The following PLEKHG5 variants were observed in gnomAD, a reference collection of about 807,000 sequenced individuals.
PLEKHG5 encodes pleckstrin homology domain-containing family G member 5.
A neutral mutation model predicts 103.8 loss-of-function variants in PLEKHG5; 52 were observed. That is an observed-to-expected ratio of 0.50 (90% confidence interval 0.40 to 0.63). PLEKHG5 has a LOEUF of 0.63. PLEKHG5 is among the 30% of genes least tolerant of loss of function. The pLI is 0.00. For synonymous variants in PLEKHG5, 592 were observed against 575.5 expected (o/e 1.03, Z -0.41); for missense variants, 1,205 against 1,347.6 (o/e 0.89, Z 1.66).
rs371407090 is a variant in PLEKHG5 at position 6,510,690 on chromosome 1, G to T, written c.-165+8755C>A. Among the ~76,000 whole-genome samples the T allele has an allele frequency of 7.2e-5, 11 of 152,352 alleles. 1 individual carries two copies. The South Asian group carries it at 1.9e-3, about 26-fold the overall frequency. ...ACCCTGGGGGCGGGGGCCAGGTGGGGCGGAGGCCAACCCACCAGCCAGCAA... is the reference window on the plus strand; with the variant it reads ...ACCCTGGGGGCGGGGGCCAGGTGGGTCGGAGGCCAACCCACCAGCCAGCAA... On this transcript the variant is annotated intron_variant, in intron 1 of 21. Transcript: ENST00000377740.
chr1:6,472,641 G>T lies in PLEKHG5; in HGVS notation c.985-19C>A. 6.3e-7 allele frequency: 1 copy of T among 1,588,566 alleles called. No individual in the cohort carries two copies. Among genetic ancestry groups the T allele is most frequent in the Non-Finnish European group, 8.6e-7 (1 of 1,159,846 alleles). ...TCAGCTTCTAGAGGGAGGGCAGGATGGGTCATTCACGAGGCCTGGAGCACC... is the reference window on the plus strand; with the variant it reads ...TCAGCTTCTAGAGGGAGGGCAGGATTGGTCATTCACGAGGCCTGGAGCACC... On this transcript the variant is annotated intron_variant, in intron 9 of 20. Transcript: ENST00000377728.
At chr1:6,484,756 G>A (rs933907758) in intron 1 of PLEKHG5, among the ~76,000 whole-genome samples, 7 of 152,140 alleles carry the variant, frequency 4.6e-5, no homozygotes, top group Non-Finnish European at 7.4e-5. Flanking sequence ...GGGACACCAG[G>A]GTCCGGGGGG....
chr1:6,471,436 G>A lies in PLEKHG5; in HGVS notation c.1281+52C>T. On this transcript the variant is annotated intron_variant, in intron 12 of 20. Transcript: ENST00000377728. ...CCGGATCGGGCCGTGGAGGCTTTTC[G>A]GCGCCCCAGCCCTGCCTCAGTGCCC... The A allele has an allele frequency of 1.9e-6, 3 of 1,572,058 alleles. No homozygotes were observed. In the South Asian group the frequency reaches 3.5e-5, roughly 18 times the overall value.
At chr1:6,508,813 A>C (rs1260589665) in intron 1 of PLEKHG5, among the ~76,000 whole-genome samples, 5 of 152,226 alleles carry the variant, frequency 3.3e-5, no homozygotes, top group Non-Finnish European at 7.3e-5. Context: ...CCCCAATAGC[A>C]GGTGCTACTG....
chr1:6,512,537 G>A (rs997064468), intron 1 of PLEKHG5, among the ~76,000 whole-genome samples: 4 of 152,210 alleles, frequency 2.6e-5, no homozygotes, highest in African/African-American at 9.6e-5. Flanking sequence ...CCCAGTCACT[G>A]CCCAGCATCT....
intron 1 of PLEKHG5, among the ~76,000 whole-genome samples, chr1:6,509,619 T>C (rs1638420489): frequency 6.6e-6 from 1 of 152,174 alleles, no homozygotes; most frequent in Admixed American, 6.5e-5. Context: ...CACGGGCCCC[T>C]GAACATCCTT....
At chr1:6,509,672 G>C (rs12042691) in intron 1 of PLEKHG5, among the ~76,000 whole-genome samples, 76,290 of 152,058 alleles carry the variant, frequency 0.5, 20,927 homozygotes, top group Admixed American at 0.65. Flanking sequence ...CACTGCAGGG[G>C]TTTTCTGAGG....
At chr1:6,481,515 C>T (rs1644898717) in intron 1 of PLEKHG5, among the ~76,000 whole-genome samples, 1 of 136,396 alleles carries the variant, frequency 7.3e-6, no homozygotes, top group Non-Finnish European at 1.6e-5. Flanking sequence ...TGGGGCAAAA[C>T]TCCGTCTCAA....
At chr1:6,500,548 C>T (rs72634731), upstream of PLEKHG5, among the ~76,000 whole-genome samples, 1,064 of 151,232 alleles carry the variant, frequency 7.0e-3, 10 homozygotes, top group Non-Finnish European at 0.011. Context: ...AACCTGGAAC[C>T]CTGAACCTCC....
At chr1:6,473,594 G>A (rs1319443637) in intron 7 of PLEKHG5, 140 bp from the exon 8 acceptor site, 11 of 660,996 alleles carry the variant, frequency 1.7e-5, no homozygotes, top group Non-Finnish European at 2.8e-5. Flanking sequence ...CCCCTCTCCT[G>A]GGACCCAGAC....
At chr1:6,476,109 G>T in intron 2 of PLEKHG5, 73 bp from the exon 3 acceptor site, 2 of 1,296,428 alleles carry the variant, frequency 1.5e-6, no homozygotes, top group Non-Finnish European at 2.2e-6. Context: ...CCTCCAGAGG[G>T]ACCACAGCCT....
intron 1 of PLEKHG5, among the ~76,000 whole-genome samples, chr1:6,518,968 C>T (rs1638701064): frequency 6.6e-6 from 1 of 152,206 alleles, no homozygotes; most frequent in African/African-American, 2.4e-5. Context: ...CTTAGCCTCC[C>T]GAGAGCTGGG....
chr1:6,497,798 G>C (rs919571529), upstream of PLEKHG5, among the ~76,000 whole-genome samples: 3 of 152,208 alleles, frequency 2.0e-5, no homozygotes, highest in African/African-American at 7.2e-5. The surrounding 1 kb of genome is among the most constrained non-coding windows in gnomAD (Gnocchi z 6.1). Flanking sequence ...CACCGGGAGA[G>C]ACTCGCCTGC....
intron 1 of PLEKHG5, chr1:6,485,879 C>T (rs1432748347): frequency 6.1e-6 from 6 of 987,930 alleles, no homozygotes; most frequent in Non-Finnish European, 6.0e-6. Context: ...TTCTCTGACT[C>T]CCTCCTCAAC....
chr1:6,474,913 C>T (rs1054422444), intron 5 of PLEKHG5, 134 bp downstream of exon 5: 2 of 775,402 alleles, frequency 2.6e-6, no homozygotes, highest in Non-Finnish European at 4.7e-6. Flanking sequence ...CACGGGTCTG[C>T]CCACGCAGGG....
Position 6,502,079 on chromosome 1 carries a change from G to C in PLEKHG5, c.-164-5510C>G, listed in dbSNP as rs538135753. ...CTGGGCGCCGGTCCATGCCTGGGCA[G>C]CTGCTGCAGGCCATGCTGGGGCTGG... On this transcript the variant is annotated intron_variant, in intron 1 of 21. Coordinates refer to the PLEKHG5 transcript ENST00000377740. Among the ~76,000 whole-genome samples, 43 of 152,390 alleles carry C rather than the reference G, an allele frequency of 2.8e-4. 1 individual carries two copies. Among genetic ancestry groups the C allele is most frequent in the African/African-American group, 9.9e-4 (41 of 41,598 alleles).
At chr1:6,499,991 G>A (rs1645277912), upstream of PLEKHG5, among the ~76,000 whole-genome samples, 2 of 152,166 alleles carry the variant, frequency 1.3e-5, no homozygotes, top group South Asian at 4.1e-4. Context: ...TATAGCAACG[G>A]AGGTCTCACT....
chr1:6,512,760 A>G (rs1391397531), intron 1 of PLEKHG5, among the ~76,000 whole-genome samples: 1 of 152,010 alleles, frequency 6.6e-6, no homozygotes, highest in Non-Finnish European at 1.5e-5. Flanking sequence ...CCCCTCCAAC[A>G]CAGCCTCCAG....
At chr1:6,519,923 C>T in exon 1 of PLEKHG5, 1 of 318,948 alleles carries the variant, frequency 3.1e-6, no homozygotes, top group South Asian at 2.8e-5. Flanking sequence ...AGGAAAGCAA[C>T]ACCACAGAGA....
Sources: gnomAD v4.1 joint callset for allele counts (sites outside exome capture counted in the v4.1 genomes callset) on GRCh38, gnomAD v4.1.1 for gene constraint, Gnocchi (gnomAD v3.1) non-coding constraint, MANE v1.5 for transcripts, NCBI Gene and HGNC (gene_info 2026-07-23, HGNC 2026-07-21) for gene names.